OR51B5: variants seen among roughly 807,000 people sequenced by gnomAD.
OR51B5 encodes the protein olfactory receptor 51B5.
For missense variants in OR51B5, 456 were observed against 374.6 expected (o/e 1.22, Z -1.79); for synonymous variants, 186 against 144.8 (o/e 1.28, Z -2.04).
intron 1 of OR51B5, among the ~76,000 whole-genome samples, chr11:5,357,251 C>A (rs981824459): frequency 5.9e-5 from 9 of 151,992 alleles, no homozygotes; most frequent in African/African-American, 2.2e-4. Context: ...CACACACACA[C>A]ATAGGCTCAA....
intron 1 of OR51B5, chr11:5,403,488 A>C: frequency 4.2e-6 from 2 of 471,762 alleles, no homozygotes; most frequent in Non-Finnish European, 8.8e-6. Flanking sequence ...CAGCATTAAG[A>C]CCAAGGAGAT....
chr11:5,483,731 A>C (rs764321673), intron 1 of OR51B5, among the ~76,000 whole-genome samples: 4 of 151,990 alleles, frequency 2.6e-5, no homozygotes, highest in Non-Finnish European at 5.9e-5. Context: ...CAATAGATGG[A>C]CCACAGATCA....
intron 1 of OR51B5, among the ~76,000 whole-genome samples, chr11:5,420,052 TGATA>T (rs764856003): frequency 1.3e-4 from 20 of 151,902 alleles, no homozygotes; most frequent in Non-Finnish European, 1.6e-4. Flanking sequence ...TTATGATAGG[TGATA>T]GATATATAGG....
chr11:5,342,704 A>G, exon 1 of OR51B5: 2 of 1,614,000 alleles, frequency 1.2e-6, no homozygotes. Flanking sequence ...GGCATAGCTC[A>G]TAATGAGGTG....
intron 1 of OR51B5, among the ~76,000 whole-genome samples, chr11:5,478,405 T>C (rs1480120192): frequency 1.3e-5 from 2 of 150,610 alleles, no homozygotes; most frequent in African/African-American, 2.4e-5. Context: ...ACCACAAAGA[T>C]GGGGAAAAAA....
At chr11:5,352,167 C>G in intron 1 of OR51B5, 3 of 1,614,194 alleles carry the variant, frequency 1.9e-6, no homozygotes, top group Non-Finnish European at 2.5e-6. Context: ...TTTTGATTCT[C>G]AAGACTGTCA....
chr11:5,451,405 G>A (rs748265841), intron 1 of OR51B5, among the ~76,000 whole-genome samples: 9 of 152,134 alleles, frequency 5.9e-5, no homozygotes, highest in Non-Finnish European at 1.2e-4. Flanking sequence ...GACTTTATAT[G>A]AAGAATGAGA....
At chr11:5,475,313 A>G (rs1434208233) in intron 1 of OR51B5, among the ~76,000 whole-genome samples, 1 of 152,184 alleles carries the variant, frequency 6.6e-6, no homozygotes, top group African/African-American at 2.4e-5. Flanking sequence ...TCAACTTTAC[A>G]TTGAATATAT....
intron 1 of OR51B5, among the ~76,000 whole-genome samples, chr11:5,380,440 G>A (rs965990464): frequency 6.6e-6 from 1 of 152,138 alleles, no homozygotes; most frequent in Admixed American, 6.5e-5. Flanking sequence ...AGTTCTTCTG[G>A]GAAGGACTTG....
chr11:5,427,155 A>G (rs989554905), intron 1 of OR51B5, among the ~76,000 whole-genome samples: 13 of 147,016 alleles, frequency 8.8e-5, no homozygotes, highest in Non-Finnish European at 1.4e-4. Context: ...CTTCTCCCCT[A>G]TGAAGATGGT....
chr11:5,497,406 C>T (rs1333619062), intron 1 of OR51B5, among the ~76,000 whole-genome samples: 3 of 151,964 alleles, frequency 2.0e-5, no homozygotes, highest in African/African-American at 4.8e-5. Context: ...AGCAAGACTC[C>T]GTCTCAAAAT....
At chr11:5,348,764 T>C (rs1462796323) in intron 1 of OR51B5, among the ~76,000 whole-genome samples, 1 of 152,120 alleles carries the variant, frequency 6.6e-6, no homozygotes, top group East Asian at 1.9e-4. Flanking sequence ...GACTCAAATG[T>C]TAATCTCCTT....
At chr11:5,476,433 CTGTT>C (rs1367219382) in intron 1 of OR51B5, among the ~76,000 whole-genome samples, 1 of 152,156 alleles carries the variant, frequency 6.6e-6, no homozygotes, top group Non-Finnish European at 1.5e-5. Flanking sequence ...GGGTAAATGC[CTGTT>C]TGTATCATAC....
intron 1 of OR51B5, among the ~76,000 whole-genome samples, chr11:5,414,898 C>A (rs1272289725): frequency 6.6e-6 from 1 of 152,142 alleles, no homozygotes; most frequent in Admixed American, 6.6e-5. Context: ...TACACAGGAA[C>A]TGAACTCAGC....
intron 1 of OR51B5, among the ~76,000 whole-genome samples, chr11:5,381,385 C>G (rs546249913): frequency 5.9e-5 from 9 of 152,282 alleles, no homozygotes; most frequent in African/African-American, 1.9e-4. Flanking sequence ...ATTCACTTCA[C>G]CTAATATTCG....
At chr11:5,380,754 G>A (rs754051428) in intron 1 of OR51B5, among the ~76,000 whole-genome samples, 3 of 152,174 alleles carry the variant, frequency 2.0e-5, no homozygotes, top group Non-Finnish European at 2.9e-5. Flanking sequence ...TTTTGTGCAT[G>A]AGAGAGAGGA....
intron 1 of OR51B5, among the ~76,000 whole-genome samples, chr11:5,373,327 A>G (rs1044847048): frequency 3.9e-5 from 6 of 152,162 alleles, no homozygotes; most frequent in South Asian, 2.1e-4. Context: ...TTTCTTTCAC[A>G]AATAAAGTTC....
At chr11:5,390,445 G>A in intron 1 of OR51B5, 3 of 1,359,842 alleles carry the variant, frequency 2.2e-6, no homozygotes, top group Non-Finnish European at 3.0e-6. Flanking sequence ...AAAATTTGGA[G>A]TATTGAGTAT....
At chr11:5,414,407 G>C (rs541856851) in intron 1 of OR51B5, among the ~76,000 whole-genome samples, 2 of 148,420 alleles carry the variant, frequency 1.3e-5, no homozygotes, top group Admixed American at 6.8e-5. Context: ...ACATCATAAT[G>C]ACAGGATCAA....
Sources: gnomAD v4.1 joint callset for allele counts (sites outside exome capture counted in the v4.1 genomes callset) on GRCh38, gnomAD v4.1.1 for gene constraint, MANE v1.5 for transcripts, NCBI Gene and HGNC (gene_info 2026-07-23, HGNC 2026-07-21) for gene names.